The following MTMR6 variants were observed in gnomAD, a reference collection of about 807,000 sequenced individuals.
The protein encoded by MTMR6 is myotubularin related protein 6, also known as phosphatidylinositol-3,5-bisphosphate 3-phosphatase MTMR6.
In MTMR6, 47 loss-of-function variants were observed where a neutral mutation model predicts 80.1. That is an observed-to-expected ratio of 0.59 (90% CI 0.46 to 0.75). MTMR6 has a LOEUF of 0.75. Among genes scored for constraint, MTMR6 ranks in the 30% least tolerant of loss-of-function variants. MTMR6 has a pLI of 0.00. For synonymous variants in MTMR6, 254 were observed against 253.0 expected (o/e 1.00, Z -0.04); for missense variants, 629 against 730.9 (o/e 0.86, Z 1.61).
chr13:25,271,768 T>C (rs1451161169), intron 2 of MTMR6, among the ~76,000 whole-genome samples: 1 of 152,246 alleles, frequency 6.6e-6, no homozygotes, highest in Non-Finnish European at 1.5e-5. Context: ...TATTATTGGC[T>C]ATTGTTTCCA....
intron 13 of MTMR6, among the ~76,000 whole-genome samples, chr13:25,249,783 A>G (rs1957047651): frequency 6.6e-6 from 1 of 152,214 alleles, no homozygotes; most frequent in Non-Finnish European, 1.5e-5. Flanking sequence ...TATATTACCT[A>G]GAAAGCATAA....
Position 25,283,492 on chromosome 13 carries a change from T to C in MTMR6, c.24+3732A>G, listed in dbSNP as rs147218524. On this transcript the variant is annotated intron_variant, in intron 1 of 13. Transcript: ENST00000381801. ...TATTCTTGATCCATTCTTATTTTTA[T>C]ATCTCCTTTCTTCTTTCAGAGGGAA... Among the ~76,000 whole-genome samples the C allele has an allele frequency of 3.3e-5, 5 of 152,354 alleles. No individual in the cohort carries two copies. In the East Asian group the frequency reaches 9.6e-4, roughly 29 times the overall value.
chr13:25,269,148 G>C (rs1319503907), intron 2 of MTMR6, among the ~76,000 whole-genome samples: 1 of 152,074 alleles, frequency 6.6e-6, no homozygotes, highest in Non-Finnish European at 1.5e-5. Context: ...GGACCTTGGG[G>C]GTGGCATGGT....
At chr13:25,255,167 G>C (rs1957171353) in intron 9 of MTMR6, among the ~76,000 whole-genome samples, 1 of 152,226 alleles carries the variant, frequency 6.6e-6, no homozygotes, top group Non-Finnish European at 1.5e-5. Flanking sequence ...GCTGGTTTTA[G>C]CTTCTCTGAT....
intron 5 of MTMR6, among the ~76,000 whole-genome samples, chr13:25,263,614 CG>C (rs557306644): frequency 1.4e-3 from 220 of 152,262 alleles, no homozygotes; most frequent in Non-Finnish European, 2.6e-3. Context: ...AAGCCAGGCA[CG>C]GTGGCTCACA....
At chr13:25,267,221 T>TG (rs1957477103) in intron 3 of MTMR6, among the ~76,000 whole-genome samples, 1 of 132,796 alleles carries the variant, frequency 7.5e-6, no homozygotes, top group Non-Finnish European at 1.5e-5. Context: ...CACTCCAGTC[T>TG]GGGCGAGAGA....
Position 25,249,170 on chromosome 13 carries a change from A to G in MTMR6, c.*62T>C, listed in dbSNP as rs552751949. On this transcript the variant is annotated 3_prime_UTR_variant, in exon 14 of 14. Coordinates refer to ENST00000381801, the MANE Select transcript of MTMR6 (RefSeq NM_004685.5). ...ACAAATTCCTTTTGGTTATGCTTACAGACCATCCTCACAATAATCCTTTTC... is the reference window on the plus strand; with the variant it reads ...ACAAATTCCTTTTGGTTATGCTTACGGACCATCCTCACAATAATCCTTTTC... The G allele has an allele frequency of 1.3e-6, 2 of 1,561,488 alleles. No homozygotes were observed. Among genetic ancestry groups the G allele is most frequent in the East Asian group, 4.5e-5 (2 of 44,268 alleles).
intron 9 of MTMR6, among the ~76,000 whole-genome samples, chr13:25,255,811 T>A (rs1300617239): frequency 5.9e-5 from 9 of 152,188 alleles, no homozygotes; most frequent in Admixed American, 5.9e-4. Context: ...CGTGAGCCAC[T>A]GCGCCCAGCC....
At chr13:25,272,556 T>C (rs943664176) in intron 2 of MTMR6, among the ~76,000 whole-genome samples, 26 of 152,208 alleles carry the variant, frequency 1.7e-4, no homozygotes, top group African/African-American at 6.3e-4. Context: ...GTGAACACAG[T>C]ACCCAAGAGG....
At chr13:25,273,482 GTACATATTTTT>G (rs1957628923) in intron 2 of MTMR6, among the ~76,000 whole-genome samples, 2 of 150,700 alleles carry the variant, frequency 1.3e-5, no homozygotes, top group African/African-American at 4.9e-5. Flanking sequence ...CTGTTAATGT[GTACATATTTTT>G]TAGATTTTTA....
chr13:25,254,404 C>T lies in MTMR6; in HGVS notation c.1126G>A (p.Gly376Arg). Reference protein sequence around the residue: ...VLIEKDWISFGHKFSERCGQL... With the variant: ...VLIEKDWISFRHKFSERCGQL... ...ACTCACCTCTCTGAAAATTTATGTCCAAAAGAGATCCAATCCTTTTCTATT... is the reference window on the plus strand; with the variant it reads ...ACTCACCTCTCTGAAAATTTATGTCTAAAAGAGATCCAATCCTTTTCTATT... Residue 376 changes from glycine (G) to arginine (R), a missense_variant, in exon 10 of 14, where the codon GGA (glycine) becomes AGA (arginine). Transcript: ENST00000381801. 1 of 1,573,744 alleles carries T rather than the reference C, an allele frequency of 6.4e-7. No individual in the cohort carries two copies. Among genetic ancestry groups the T allele is most frequent in the Non-Finnish European group, 8.7e-7 (1 of 1,147,528 alleles).
In MTMR6 at chr13:25,258,541, A is replaced by G; in HGVS notation, c.859+19T>C. ...TTTCTTTTGGACAAGGGTGTCTAAA[A>G]AAGTAAGCAATAATATACCTTCCAA... On this transcript the variant is annotated intron_variant, in intron 7 of 13. Coordinates refer to ENST00000381801, the MANE Select transcript of MTMR6 (RefSeq NM_004685.5). 6.4e-7 allele frequency: 1 copy of G among 1,570,520 alleles called. No individual in the cohort carries two copies.
chr13:25,252,008 G>C (rs1436932820), intron 11 of MTMR6, 24 bp from the exon 12 acceptor site: 1 of 1,600,818 alleles, frequency 6.2e-7, no homozygotes, highest in Non-Finnish European at 8.5e-7. Context: ...GAAAAACACA[G>C]AGATCTTTCC....
At position 25,246,292 on chromosome 13, in the gene MTMR6, T is replaced by G. The variant is rs537180526; in HGVS notation, c.*2940A>C. On this transcript the variant is annotated 3_prime_UTR_variant, in exon 14 of 14. Coordinates refer to ENST00000381801, the MANE Select transcript of MTMR6 (RefSeq NM_004685.5). ...TTACATTTTCTTATATCAAGTACAA[T>G]GGTATATATACTTTTTTTTGAGATA... 7.9e-5 allele frequency: 12 copies of G among 152,782 alleles called. No individual in the cohort carries two copies. The highest frequency in any genetic ancestry group is 2.9e-4 in the African/African-American group (12 of 41,584). The allele number at this position is 152,782 out of a possible 1,614,324, so 9.5% of individuals were successfully genotyped here. A position where few individuals can be genotyped will look rare whatever the true frequency, so the allele number is the denominator to read the frequency against.
At chr13:25,262,729 A>G (rs1466371100) in intron 5 of MTMR6, among the ~76,000 whole-genome samples, 4 of 152,258 alleles carry the variant, frequency 2.6e-5, no homozygotes, top group Non-Finnish European at 5.9e-5. Context: ...TTTTTCTCCA[A>G]TGGAAAACAA....
intron 1 of MTMR6, among the ~76,000 whole-genome samples, chr13:25,277,386 T>C (rs1957748045): frequency 6.6e-6 from 1 of 152,218 alleles, no homozygotes; most frequent in Non-Finnish European, 1.5e-5. Flanking sequence ...GCAAAGACTG[T>C]CTTTCATTTA....
At chr13:25,286,402 C>G (rs1957954923) in intron 1 of MTMR6, among the ~76,000 whole-genome samples, 1 of 152,180 alleles carries the variant, frequency 6.6e-6, no homozygotes, top group Non-Finnish European at 1.5e-5. Flanking sequence ...TGTTATTCTT[C>G]TCGTCTCGAT....
intron 1 of MTMR6, among the ~76,000 whole-genome samples, chr13:25,274,518 GT>G (rs1283533910): frequency 6.6e-6 from 1 of 152,092 alleles, no homozygotes; most frequent in Non-Finnish European, 1.5e-5. Context: ...TTTATCTAAA[GT>G]TGGAAAATCA....
intron 6 of MTMR6, chr13:25,260,523 C>T: frequency 1.3e-6 from 1 of 768,754 alleles, no homozygotes; most frequent in Non-Finnish European, 1.8e-6. Flanking sequence ...AAATAGTGAC[C>T]ATTCCTTTCA....
Sources: allele counts gnomAD v4.1 joint callset (sites outside exome capture counted in the v4.1 genomes callset), GRCh38; gene constraint gnomAD v4.1.1; transcripts MANE v1.5; gene names NCBI Gene and HGNC (gene_info 2026-07-23, HGNC 2026-07-21).